The following DNMT3A variants were observed in gnomAD, a reference collection of about 807,000 sequenced individuals.
DNMT3A encodes DNA (cytosine-5)-methyltransferase 3A.
DNMT3A carries 267 observed loss-of-function variants against 117.6 expected under a neutral mutation model. The observed-to-expected ratio is 2.27, with a 90% CI of 2.05 to 2.51. DNMT3A has a LOEUF of 2.51. DNMT3A is among the 30% of genes most tolerant of loss of function. DNMT3A has a pLI of 0.00. For synonymous variants in DNMT3A, 432 were observed against 474.8 expected (o/e 0.91, Z 1.17); for missense variants, 1,029 against 1,260.2 (o/e 0.82, Z 2.78).
rs183377795 is a variant in DNMT3A, at chr2:25,264,744, G to A, written c.639+10197C>T. On this transcript the variant is annotated intron_variant, in intron 6 of 22. Transcript: ENST00000321117. ...CCCAAAGTGCTGGGATTACAGGCGT[G>A]AGCCACCACCCCCGGCCAAAAAGAG... Among the ~76,000 whole-genome samples, 9 of 152,306 alleles carry A rather than the reference G, an allele frequency of 5.9e-5. No homozygotes were observed. The East Asian group carries it at 1.5e-3, about 26-fold the overall frequency.
Position 25,281,194 on chromosome 2 carries a change from G to A in DNMT3A, c.448+1247C>T, listed in dbSNP as rs948598998. 6.6e-6 allele frequency among the ~76,000 whole-genome samples: 1 copy of A among 152,172 alleles called. No individual in the cohort carries two copies. The highest frequency in any genetic ancestry group is 1.5e-5 in the Non-Finnish European group (1 of 68,036). On this transcript the variant is annotated intron_variant, in intron 4 of 22. Transcript: ENST00000321117. This position sits in a 1 kb window ranked among gnomAD's most constrained non-coding sequence, Gnocchi z 4.8. ...GCACCAAGTCCCATTCCAGGACAGC[G>A]GAAAATAGTAGAAAGGCACAAGACC... is the stretch of plus-strand genomic sequence containing the variant.
rs1399958600 is a variant in DNMT3A at position 25,243,991 on chromosome 2, T to C, written c.1852-9A>G. 6.4e-7 allele frequency: 1 copy of C among 1,553,274 alleles called. No homozygotes were observed. Among genetic ancestry groups the C allele is most frequent in the Admixed American group, 2.0e-5 (1 of 50,618 alleles). On this transcript the variant is annotated splice_polypyrimidine_tract_variant and intron_variant, in intron 15 of 22. Transcript: ENST00000321117. ...TAAACCTTTGGAGGGTCCTAAGCAGTGAGCACAACAGGTCAGATGCAGGCC... is the reference window on the plus strand; with the variant it reads ...TAAACCTTTGGAGGGTCCTAAGCAGCGAGCACAACAGGTCAGATGCAGGCC...
At chr2:25,320,608 A>C (rs888408275) in intron 1 of DNMT3A, among the ~76,000 whole-genome samples, 2 of 152,212 alleles carry the variant, frequency 1.3e-5, no homozygotes, top group Admixed American at 1.3e-4. Context: ...GTACAAAAAA[A>C]TAAGGCAGAT....
intron 1 of DNMT3A, among the ~76,000 whole-genome samples, chr2:25,336,602 C>CTCATT: frequency 6.6e-6 from 1 of 152,240 alleles, no homozygotes; most frequent in African/African-American, 2.4e-5. Context: ...ACCAAATGAG[C>CTCATT]TCATTTGGCC....
intron 1 of DNMT3A, among the ~76,000 whole-genome samples, chr2:25,340,852 C>A (rs1205116010): frequency 5.1e-5 from 7 of 138,186 alleles, no homozygotes; most frequent in Non-Finnish European, 9.5e-5. Flanking sequence ...CGTTTTCCGG[C>A]CCCCGCGGCC....
At position 25,337,808 on chromosome 2, in the gene DNMT3A, A is replaced by G. The variant is rs185840222; in HGVS notation, c.-178+4018T>C. Among the ~76,000 whole-genome samples the G allele has an allele frequency of 1.3e-4, 20 of 152,326 alleles. No individual in the cohort carries two copies. The East Asian group carries it at 3.1e-3, about 23-fold the overall frequency. ...AATCGTCAGAGAGAAATGATTGAAA[A>G]TGAGCCCTCAAAATTAAAGTGGAAA... On this transcript the variant is annotated intron_variant, in intron 1 of 22. Coordinates refer to ENST00000321117, the MANE Select transcript of DNMT3A (RefSeq NM_022552.5). This position sits in a 1 kb window ranked among gnomAD's most constrained non-coding sequence, Gnocchi z 5.0.
rs1197349437 is a variant in DNMT3A at position 25,241,824 on chromosome 2, A to G, written c.1937-117T>C. The G allele has an allele frequency of 3.7e-6, 5 of 1,347,298 alleles. No individual in the cohort carries two copies. In the East Asian group the frequency reaches 1.0e-4, roughly 27 times the overall value. The allele number at this position is 1,347,298 out of a possible 1,614,324, so 83.5% of individuals were successfully genotyped here. A position where few individuals can be genotyped will look rare whatever the true frequency, so the allele number is the denominator to read the frequency against. ...GGGGTCAGCTGTAGGCCCAAGTCCTATCTTTTCCCTGAAGATGCCTTAAAT... is the reference window on the plus strand; with the variant it reads ...GGGGTCAGCTGTAGGCCCAAGTCCTGTCTTTTCCCTGAAGATGCCTTAAAT... On this transcript the variant is annotated intron_variant, in intron 16 of 22. Coordinates refer to ENST00000321117, the MANE Select transcript of DNMT3A (RefSeq NM_022552.5).
At chr2:25,322,102 C>T (rs1399713397) in intron 1 of DNMT3A, among the ~76,000 whole-genome samples, 1 of 152,106 alleles carries the variant, frequency 6.6e-6, no homozygotes, top group African/African-American at 2.4e-5. Context: ...GAATCGAAAG[C>T]GGTTGCCTCT....
intron 1 of DNMT3A, chr2:25,314,608 G>A (rs1466745949): frequency 1.0e-6 from 1 of 985,078 alleles, no homozygotes; most frequent in Non-Finnish European, 1.2e-6. Context: ...GCCACGTGGA[G>A]GAAGTGAGTG....
intron 6 of DNMT3A, among the ~76,000 whole-genome samples, chr2:25,264,146 T>TTTTTTTTTTTTG (rs2029990337): frequency 7.4e-6 from 1 of 135,982 alleles, no homozygotes. Context: ...TTTTTTTTTT[T>TTTTTTTTTTTTG]TTTTTTTTTT....
rs1354435858 is a variant in DNMT3A, at chr2:25,237,687, C to T, written c.2409-682G>A. Among the ~76,000 whole-genome samples the T allele has an allele frequency of 6.6e-6, 1 of 152,000 alleles. No homozygotes were observed. Among genetic ancestry groups the T allele is most frequent in the East Asian group, 1.9e-4 (1 of 5,198 alleles). On this transcript the variant is annotated intron_variant, in intron 20 of 22. Coordinates refer to ENST00000321117, the MANE Select transcript of DNMT3A (RefSeq NM_022552.5). This position sits in a 1 kb window ranked among gnomAD's most constrained non-coding sequence, Gnocchi z 5.4. The stretch of plus-strand genomic sequence containing the variant: ...GGCTGAGGCAGGAGAATCGCTTGAA[C>T]CTGGGAGGCGGAGGCTGCAGTGAGC...
chr2:25,339,796 C>T lies in DNMT3A; in HGVS notation c.-178+2030G>A, dbSNP rs1386288935. On this transcript the variant is annotated intron_variant, in intron 1 of 22. Coordinates refer to ENST00000321117, the MANE Select transcript of DNMT3A (RefSeq NM_022552.5). The surrounding 1 kb of genome is among the most constrained non-coding windows in gnomAD (Gnocchi z 4.9). Reference sequence around the variant, plus strand: ...AGAGGGTCCCCGGGATGCCTGGCCCCCCAAATCCCACAGGCCAGTCCTAAC... The same window carrying T: ...AGAGGGTCCCCGGGATGCCTGGCCCTCCAAATCCCACAGGCCAGTCCTAAC... Among the ~76,000 whole-genome samples, 1 of 152,206 alleles carries T rather than the reference C, an allele frequency of 6.6e-6. No individual in the cohort carries two copies. The highest frequency in any genetic ancestry group is 1.5e-5 in the Non-Finnish European group (1 of 68,026).
intron 6 of DNMT3A, among the ~76,000 whole-genome samples, chr2:25,267,540 C>CT (rs2030470643): frequency 6.6e-6 from 1 of 152,226 alleles, no homozygotes; most frequent in Non-Finnish European, 1.5e-5. Flanking sequence ...TGCCATTGTA[C>CT]TCCAGCCTGG....
rs1244252976 is a variant in DNMT3A, at chr2:25,319,309, C to T, written c.-177-5148G>A. Among the ~76,000 whole-genome samples the T allele has an allele frequency of 5.3e-5, 8 of 151,924 alleles. No homozygotes were observed. In the South Asian group the frequency reaches 6.2e-4, roughly 12 times the overall value. ...GATTACAGGCATGAGCCACCACGCC[C>T]GGGGTCTTTTTTTTTTCTTAAATAG... On this transcript the variant is annotated intron_variant, in intron 1 of 22. Coordinates refer to ENST00000321117, the MANE Select transcript of DNMT3A (RefSeq NM_022552.5).
At position 25,244,211 on chromosome 2, in the gene DNMT3A, C is replaced by A; in HGVS notation, c.1795G>T (p.Glu599Ter). 6.2e-7 allele frequency: 1 copy of A among 1,613,930 alleles called. No homozygotes were observed. Among genetic ancestry groups the A allele is most frequent in the Non-Finnish European group, 8.5e-7 (1 of 1,180,034 alleles). ...KGTYGLLRRR[E>*]DWPSRLQMFF... Reference sequence around the variant, plus strand: ...ATCTGGAGCCGGGAGGGCCAGTCCTCTCGCCGCCGCAGCAGCCCGTAGGTA... The same window carrying A: ...ATCTGGAGCCGGGAGGGCCAGTCCTATCGCCGCCGCAGCAGCCCGTAGGTA... The change falls in exon 15 of 23, where the codon GAG (glutamate) becomes TAG (stop). Residue 599 changes from glutamate (E) to a stop codon, truncating the protein, a stop_gained. Transcript: ENST00000321117. LOFTEE classifies it high-confidence loss of function.
chr2:25,287,988 T>C (rs1453703660), intron 3 of DNMT3A, among the ~76,000 whole-genome samples: 4 of 151,722 alleles, frequency 2.6e-5, no homozygotes, highest in Non-Finnish European at 5.9e-5. Context: ...GTGTCTGCTA[T>C]TACACTTGGC....
rs575325872 is a variant in DNMT3A, at chr2:25,297,657, C to A, written c.177+2482G>T. On this transcript the variant is annotated intron_variant, in intron 3 of 22. Coordinates refer to ENST00000321117, the MANE Select transcript of DNMT3A (RefSeq NM_022552.5). The stretch of plus-strand genomic sequence containing the variant: ...TCCCGAGTAACTGGGATTACAGGCA[C>A]CCGCCATCATGCCCGGCTAATTTTT... Among the ~76,000 whole-genome samples the A allele has an allele frequency of 3.3e-5, 5 of 152,226 alleles. No individual in the cohort carries two copies. In the East Asian group the frequency reaches 9.7e-4, roughly 29 times the overall value.
intron 21 of DNMT3A, 96 bp from the exon 22 acceptor site, chr2:25,235,921 C>G (rs1023463868): frequency 1.8e-6 from 2 of 1,140,874 alleles, no homozygotes; most frequent in African/African-American, 3.1e-5. Flanking sequence ...TCGCCAAACC[C>G]TGACAGGGCC....
At position 25,281,659 on chromosome 2, in the gene DNMT3A, G is replaced by A. The variant is rs764659292; in HGVS notation, c.448+782C>T. The A allele has an allele frequency of 6.6e-6, 7 of 1,065,232 alleles. No homozygotes were observed. Among genetic ancestry groups the A allele is most frequent in the Non-Finnish European group, 6.8e-6 (6 of 879,250 alleles). The allele number at this position is 1,065,232 out of a possible 1,614,324, so 66.0% of individuals were successfully genotyped here. A position where few individuals can be genotyped will look rare whatever the true frequency, so the allele number is the denominator to read the frequency against. On this transcript the variant is annotated intron_variant, in intron 4 of 22. Coordinates refer to ENST00000321117, the MANE Select transcript of DNMT3A (RefSeq NM_022552.5). This position sits in a 1 kb window ranked among gnomAD's most constrained non-coding sequence, Gnocchi z 4.8. ...CAAATGTGATAATGTATGAGAAAGC[G>A]CTTTGTAAACTGTGAAGCCCTGTAC... is the stretch of plus-strand genomic sequence containing the variant.
Sources: gnomAD v4.1 joint callset for allele counts (sites outside exome capture counted in the v4.1 genomes callset) on GRCh38, gnomAD v4.1.1 for gene constraint, Gnocchi (gnomAD v3.1) non-coding constraint, MANE v1.5 for transcripts, NCBI Gene and HGNC (gene_info 2026-07-23, HGNC 2026-07-21) for gene names.